Variants in ADTRP observed in about 807,000 individuals in gnomAD.
ADTRP encodes the protein androgen dependent TFPI regulating protein, also known as androgen-dependent TFPI-regulating protein.
A neutral mutation model predicts 27.0 loss-of-function variants in ADTRP; 20 were observed. The ratio of observed to expected loss-of-function variants is 0.74; its 90% CI spans 0.52 to 1.08. ADTRP has a LOEUF of 1.08. Ranked by LOEUF, ADTRP falls within the 50% of genes least tolerant of loss-of-function variation. The pLI, the probability that ADTRP is intolerant of heterozygous loss-of-function variation, is 0.00. For synonymous variants in ADTRP, 101 were observed against 105.2 expected, an observed-to-expected ratio of 0.96 and a Z score of 0.25; for missense variants, 251 against 275.0, an observed-to-expected ratio of 0.91 and a Z score of 0.62.
intron 1 of ADTRP, among the ~76,000 whole-genome samples, chr6:11,769,432 C>A (rs1763691170): frequency 6.6e-6 from 1 of 152,232 alleles, no homozygotes; most frequent in Admixed American, 6.5e-5. Flanking sequence ...AGGGCGTAGG[C>A]AGGAAATGAT....
chr6:11,749,201 G>C (rs575193179), intron 3 of ADTRP, among the ~76,000 whole-genome samples: 2 of 152,212 alleles, frequency 1.3e-5, no homozygotes, highest in South Asian at 4.2e-4. Flanking sequence ...GAGGTGGCAG[G>C]GTCAATGCTG....
intron 3 of ADTRP, among the ~76,000 whole-genome samples, chr6:11,756,176 A>G (rs1450005491): frequency 1.3e-5 from 2 of 152,126 alleles, no homozygotes; most frequent in Non-Finnish European, 2.9e-5. Context: ...CAGGAATTCA[A>G]CATGGTGAAA....
intron 3 of ADTRP, among the ~76,000 whole-genome samples, chr6:11,742,147 T>C (rs1762739676): frequency 6.6e-6 from 1 of 152,164 alleles, no homozygotes; most frequent in East Asian, 1.9e-4. Context: ...TTAATGTTGC[T>C]ACTCCCCAGC....
chr6:11,738,211 G>C (rs1027935656), intron 3 of ADTRP, among the ~76,000 whole-genome samples: 1 of 152,140 alleles, frequency 6.6e-6, no homozygotes, highest in Non-Finnish European at 1.5e-5. Context: ...CAAGGGCCTG[G>C]GATATCCATG....
rs556305367 is a variant in ADTRP, at chr6:11,759,104, T to G, written c.390+7170A>C. On this transcript the variant is annotated intron_variant, in intron 3 of 5. Transcript: ENST00000414691. ...GGCTGGCGTAGTGACTCATATCAAGTGACATTTGCAAAGGGAGGCCTACTG... is the reference window on the plus strand; with the variant it reads ...GGCTGGCGTAGTGACTCATATCAAGGGACATTTGCAAAGGGAGGCCTACTG... Among the ~76,000 whole-genome samples the G allele has an allele frequency of 3.3e-4, 51 of 152,278 alleles. 1 individual carries two copies. In the South Asian group the frequency reaches 7.1e-3, roughly 21 times the overall value.
At chr6:11,751,943 T>A (rs1049714513) in intron 3 of ADTRP, among the ~76,000 whole-genome samples, 2 of 152,244 alleles carry the variant, frequency 1.3e-5, no homozygotes, top group African/African-American at 2.4e-5. Flanking sequence ...AGGAAATCCA[T>A]CCTATTAATC....
At chr6:11,724,501 A>G (rs1762125746) in intron 4 of ADTRP, among the ~76,000 whole-genome samples, 1 of 152,240 alleles carries the variant, frequency 6.6e-6, no homozygotes, top group Admixed American at 6.5e-5. Context: ...TGCTAGGAGA[A>G]GAGCCATGAT....
chr6:11,723,413 A>G lies in ADTRP; in HGVS notation c.594T>C (p.Ser198=), dbSNP rs780753302. ...LSLLGLAAFF[S]LSYVFIASIY... ...TGCTGGCGATGAAGACGTAGCTGAG[A>G]GAGAAGAAAGCTGCTAGACCCAAGA... Residue 198 remains serine (S), a synonymous_variant, in exon 5 of 6, where the codon TCT becomes TCC. Coordinates refer to ENST00000414691, the MANE Select transcript of ADTRP (RefSeq NM_032744.4). 1 of 1,614,156 alleles carries G rather than the reference A, an allele frequency of 6.2e-7. No individual in the cohort carries two copies.
chr6:11,773,820 C>G (rs1763862587), intron 1 of ADTRP, among the ~76,000 whole-genome samples: 1 of 152,234 alleles, frequency 6.6e-6, no homozygotes, highest in Non-Finnish European at 1.5e-5. Flanking sequence ...TCTTCAATCA[C>G]TCATCTCTAT....
At chr6:11,772,356 A>G (rs1763811375) in intron 1 of ADTRP, among the ~76,000 whole-genome samples, 1 of 152,256 alleles carries the variant, frequency 6.6e-6, no homozygotes. Context: ...CTGCAGTTAA[A>G]GGATATTTAG....
intron 5 of ADTRP, among the ~76,000 whole-genome samples, chr6:11,715,492 T>C: frequency 6.6e-6 from 1 of 152,104 alleles, no homozygotes; most frequent in East Asian, 1.9e-4. Flanking sequence ...ATTCATCTCA[T>C]GCAAAATTTT....
chr6:11,731,901 T>C (rs931241902), intron 4 of ADTRP, among the ~76,000 whole-genome samples: 36 of 152,106 alleles, frequency 2.4e-4, no homozygotes, highest in African/African-American at 8.5e-4. Context: ...GGACCAACCA[T>C]GTGTTAGGGA....
chr6:11,753,862 C>T (rs1763128880), intron 3 of ADTRP, among the ~76,000 whole-genome samples: 1 of 152,208 alleles, frequency 6.6e-6, no homozygotes, highest in Non-Finnish European at 1.5e-5. Flanking sequence ...CCACATCCTA[C>T]TGCTCCTGAT....
At chr6:11,735,925 T>C in intron 3 of ADTRP, 1 of 392,090 alleles carries the variant, frequency 2.6e-6, no homozygotes. Flanking sequence ...TGGTCCTGCT[T>C]ATTGCCCACT....
chr6:11,720,372 G>A (rs1278473598), intron 5 of ADTRP, among the ~76,000 whole-genome samples: 1 of 152,190 alleles, frequency 6.6e-6, no homozygotes, highest in Non-Finnish European at 1.5e-5. Context: ...CAGGCCACCT[G>A]GGCTTGGTGG....
chr6:11,755,785 C>T (rs1268118352), intron 3 of ADTRP, among the ~76,000 whole-genome samples: 1 of 152,220 alleles, frequency 6.6e-6, no homozygotes, highest in African/African-American at 2.4e-5. Flanking sequence ...ATCAACAACA[C>T]TGTAATGCTA....
At chr6:11,739,864 A>G (rs569565226) in intron 3 of ADTRP, among the ~76,000 whole-genome samples, 1 of 152,296 alleles carries the variant, frequency 6.6e-6, no homozygotes, top group South Asian at 2.1e-4. Flanking sequence ...CTGAATCTTT[A>G]AGGCTAGGCT....
At chr6:11,758,253 G>A (rs1479155090) in intron 3 of ADTRP, among the ~76,000 whole-genome samples, 1 of 151,976 alleles carries the variant, frequency 6.6e-6, no homozygotes, top group Non-Finnish European at 1.5e-5. Context: ...CCCCTGCTAG[G>A]CCAAATGGTG....
intron 3 of ADTRP, among the ~76,000 whole-genome samples, chr6:11,758,222 G>T (rs532204401): frequency 2.6e-4 from 40 of 152,056 alleles, no homozygotes; most frequent in Non-Finnish European, 5.0e-4. Context: ...ATATTTTCAT[G>T]ATGGGAATAT....
Sources: gnomAD v4.1 joint callset for allele counts (sites outside exome capture counted in the v4.1 genomes callset) on GRCh38, gnomAD v4.1.1 for gene constraint, MANE v1.5 for transcripts, NCBI Gene and HGNC (gene_info 2026-07-23, HGNC 2026-07-21) for gene names.